Variants in DPH6 observed in about 807,000 individuals in gnomAD.
DPH6 encodes the protein diphthine--ammonia ligase.
Under a neutral mutation model 38.2 loss-of-function variants are expected in DPH6, and 33 were observed. The observed-to-expected ratio is 0.86, with a 90% CI of 0.65 to 1.15. The LOEUF (loss-of-function observed/expected upper bound fraction) is 1.15, where lower values mean the gene tolerates loss of function less well. Among genes scored for constraint, DPH6 ranks in the 50% most tolerant of loss-of-function variants. The pLI is 0.00. For synonymous variants in DPH6, 108 were observed against 103.0 expected (o/e 1.05, Z -0.30); for missense variants, 325 against 320.0 (o/e 1.02, Z -0.12).
chr15:35,221,979 C>T (rs537981044), intron 3 of DPH6, among the ~76,000 whole-genome samples: 3 of 152,274 alleles, frequency 2.0e-5, no homozygotes, highest in Admixed American at 6.5e-5. Context: ...AGCCCTGGGC[C>T]ATGGACACAA....
chr15:35,226,723 A>G (rs1297622797), intron 3 of DPH6, among the ~76,000 whole-genome samples: 1 of 152,250 alleles, frequency 6.6e-6, no homozygotes, highest in Non-Finnish European at 1.5e-5. Flanking sequence ...CATGGATTGG[A>G]AGAATGAATA....
Position 35,444,814 on chromosome 15 carries a change from CT to C in DPH6, c.505+5870del, listed in dbSNP as rs534575270. Among the ~76,000 whole-genome samples, 330 of 152,178 alleles carry C rather than the reference CT, an allele frequency of 2.2e-3. 3 individuals carry two copies. The highest frequency in any genetic ancestry group is 2.7e-3 in the Non-Finnish European group (181 of 67,984). Reference sequence around the variant, plus strand: ...GTGTCTCTATTTGGATTAGCAAATCCTTTTCATCACGAGCTTTCAGGAACAT... The same window carrying C: ...GTGTCTCTATTTGGATTAGCAAATCCTTTCATCACGAGCTTTCAGGAACAT... On this transcript the variant is annotated intron_variant, in intron 5 of 8. Transcript: ENST00000256538.
rs59310264 is a variant in DPH6, at chr15:35,515,934, G to A, written c.312+22340C>T. ...TTTTTAAATTCTTGGTGATACGTCC[G>A]TTTTGTGCCCACAAAACTTTCCTAG... On this transcript the variant is annotated intron_variant, in intron 3 of 8. Coordinates refer to ENST00000256538, the MANE Select transcript of DPH6 (RefSeq NM_080650.4). 3.1e-3 allele frequency among the ~76,000 whole-genome samples: 474 copies of A among 152,050 alleles called. 3 individuals carry two copies. In the East Asian group the frequency reaches 0.035, roughly 11 times the overall value.
intron 2 of DPH6, among the ~76,000 whole-genome samples, chr15:35,542,008 G>A (rs1166833026): frequency 1.3e-5 from 2 of 152,066 alleles, no homozygotes; most frequent in African/African-American, 4.8e-5. Context: ...ATCAATATGT[G>A]TCTTACTTCT....
chr15:35,458,847 C>T (rs903486879), intron 3 of DPH6, among the ~76,000 whole-genome samples: 10 of 152,130 alleles, frequency 6.6e-5, no homozygotes, highest in African/African-American at 2.4e-4. Context: ...CCTTTTGGAT[C>T]AAAACCAGTG....
intron 6 of DPH6, among the ~76,000 whole-genome samples, chr15:35,389,568 T>C (rs1473836350): frequency 6.6e-6 from 1 of 152,260 alleles, no homozygotes; most frequent in Admixed American, 6.5e-5. Context: ...GCTCTTCTTG[T>C]TGAATTGATC....
At chr15:35,164,656 AG>A in the DPH6 span, among the ~76,000 whole-genome samples, 1 of 151,970 alleles carries the variant, frequency 6.6e-6, no homozygotes, top group South Asian at 2.1e-4. Flanking sequence ...ACATTTTAGA[AG>A]GGTCTCTTGC....
intron 6 of DPH6, among the ~76,000 whole-genome samples, chr15:35,392,166 C>T (rs1005606677): frequency 6.6e-6 from 1 of 152,052 alleles, no homozygotes; most frequent in Non-Finnish European, 1.5e-5. Context: ...AAAATGAATT[C>T]CTAGTAAATT....
At chr15:35,266,516 T>G (rs2051784780) in intron 3 of DPH6, among the ~76,000 whole-genome samples, 1 of 152,190 alleles carries the variant, frequency 6.6e-6, no homozygotes, top group Non-Finnish European at 1.5e-5. Context: ...CTGAACTAGT[T>G]AGAGTTTGCA....
At chr15:35,162,090 T>C in the DPH6 span, among the ~76,000 whole-genome samples, 1 of 151,938 alleles carries the variant, frequency 6.6e-6, no homozygotes, top group Admixed American at 6.6e-5. Flanking sequence ...TCTTGATTAT[T>C]TCTTGCCACC....
chr15:35,180,575 G>A, the DPH6 span, among the ~76,000 whole-genome samples: 1 of 152,048 alleles, frequency 6.6e-6, no homozygotes, highest in African/African-American at 2.4e-5. Flanking sequence ...ATCCTCCCAC[G>A]TCAGCCTCCC....
At chr15:35,328,957 C>A (rs879561923), downstream of DPH6, among the ~76,000 whole-genome samples, 5 of 152,144 alleles carry the variant, frequency 3.3e-5, no homozygotes, top group Admixed American at 2.6e-4. Flanking sequence ...AAGCGGAAAC[C>A]CCTGATAAAA....
chr15:35,495,334 GA>G (rs949592518), intron 3 of DPH6, among the ~76,000 whole-genome samples: 2 of 152,162 alleles, frequency 1.3e-5, no homozygotes, highest in Admixed American at 1.3e-4. Flanking sequence ...TTAGGGAGAA[GA>G]GGGTTATCTA....
Position 35,371,843 on chromosome 15 carries a change from G to A in DPH6, c.*307C>T. On this transcript the variant is annotated 3_prime_UTR_variant, in exon 9 of 9. Transcript: ENST00000256538. ...GAGAAGGAGGAAAAGAAACTAGTGT[G>A]ATAAAAAAAGAAATGCTACAGAAAT... 9.5e-7 allele frequency: 1 copy of A among 1,047,190 alleles called. No homozygotes were observed. The highest frequency in any genetic ancestry group is 1.1e-6 in the Non-Finnish European group (1 of 870,402). 64.9% of individuals were successfully genotyped at this position (1,047,190 alleles called of 1,614,324 possible).
At chr15:35,341,413 G>A (rs1444165912) in intron 3 of DPH6, among the ~76,000 whole-genome samples, 1 of 152,170 alleles carries the variant, frequency 6.6e-6, no homozygotes, top group African/African-American at 2.4e-5. Flanking sequence ...TGCCCTTGCT[G>A]GAGTGGTGTT....
chr15:35,518,372 T>G (rs2054876000), intron 3 of DPH6, among the ~76,000 whole-genome samples: 1 of 152,000 alleles, frequency 6.6e-6, no homozygotes, highest in Non-Finnish European at 1.5e-5. Flanking sequence ...AAAAGCTGTA[T>G]AGCTAGAAAA....
At chr15:35,519,157 A>T (rs1418122332) in intron 3 of DPH6, 1 of 151,906 alleles carries the variant, frequency 6.6e-6, no homozygotes, top group African/African-American at 2.4e-5. Flanking sequence ...AATATATACA[A>T]TCAAAAAGGT....
intron 3 of DPH6, among the ~76,000 whole-genome samples, chr15:35,531,396 A>G (rs1231328374): frequency 6.6e-6 from 1 of 152,200 alleles, no homozygotes; most frequent in African/African-American, 2.4e-5. Flanking sequence ...ATAGGAAAAC[A>G]AAAGACAAAA....
At chr15:35,238,960 ACT>A (rs2051577423) in intron 3 of DPH6, among the ~76,000 whole-genome samples, 2 of 144,798 alleles carry the variant, frequency 1.4e-5, no homozygotes, top group South Asian at 2.4e-4. Flanking sequence ...CCCTTTGCTG[ACT>A]CTCTTTTCGG....
Sources: gnomAD v4.1 joint callset for allele counts (sites outside exome capture counted in the v4.1 genomes callset) on GRCh38, gnomAD v4.1.1 for gene constraint, MANE v1.5 for transcripts, NCBI Gene and HGNC (gene_info 2026-07-23, HGNC 2026-07-21) for gene names.